The following PPP1R12A variants were observed in gnomAD, a reference collection of about 807,000 sequenced individuals.
PPP1R12A encodes the protein myosin binding subunit.
In PPP1R12A, 19 loss-of-function variants were observed where a neutral mutation model predicts 139.6. The observed-to-expected ratio is 0.14, with a 90% CI of 0.09 to 0.20. The LOEUF is 0.20. Ranked by LOEUF, PPP1R12A falls within the 10% of genes least tolerant of loss-of-function variation. The pLI is 1.00. For synonymous variants in PPP1R12A, 427 were observed against 420.6 expected, an observed-to-expected ratio of 1.02 and a Z score of -0.19; for missense variants, 925 against 1,211.5, an observed-to-expected ratio of 0.76 and a Z score of 3.51.
chr12:79,934,723 T>C lies in PPP1R12A; in HGVS notation c.209A>G (p.Asn70Ser), dbSNP rs1239952594. The C allele has an allele frequency of 5.2e-6, 8 of 1,547,882 alleles. No individual in the cohort carries two copies. Among genetic ancestry groups the C allele is most frequent in the East Asian group, 2.5e-5 (1 of 40,812 alleles). Residue 70 changes from asparagine (N) to serine (S), a missense_variant, in exon 1 of 25, where the codon AAT becomes AGT. Coordinates refer to ENST00000450142, the MANE Select transcript of PPP1R12A (RefSeq NM_002480.3). ...LHRGADINYA[N>S]VDGLTALHQA... The stretch of plus-strand genomic sequence containing the variant: ...GTGCAGGGCAGTGAGTCCGTCCACA[T>C]TGGCGTAATTGATGTCGGCGCCGCG...
intron 1 of PPP1R12A, among the ~76,000 whole-genome samples, chr12:79,904,598 A>AAAGT (rs1885935303): frequency 6.6e-6 from 1 of 152,190 alleles, no homozygotes; most frequent in Non-Finnish European, 1.5e-5. Flanking sequence ...TAAACAGCAT[A>AAAGT]AAGTAGCTCA....
intron 8 of PPP1R12A, among the ~76,000 whole-genome samples, chr12:79,820,273 G>A (rs1018261353): frequency 6.6e-6 from 1 of 152,198 alleles, no homozygotes; most frequent in South Asian, 2.1e-4. Flanking sequence ...GTCTTAAGTC[G>A]AGGTTGTTGG....
chr12:79,896,945 A>G (rs1297628796), intron 1 of PPP1R12A, among the ~76,000 whole-genome samples: 2 of 152,162 alleles, frequency 1.3e-5, no homozygotes. Flanking sequence ...AATTAAAACA[A>G]CCTCGTTGAG....
chr12:79,905,712 T>C (rs1565809369), intron 1 of PPP1R12A, among the ~76,000 whole-genome samples: 1 of 152,230 alleles, frequency 6.6e-6, no homozygotes, highest in Non-Finnish European at 1.5e-5. Flanking sequence ...GTATGTATTT[T>C]TAATTATGAT....
At chr12:79,880,624 T>C (rs1160704429) in intron 1 of PPP1R12A, among the ~76,000 whole-genome samples, 1 of 152,202 alleles carries the variant, frequency 6.6e-6, no homozygotes, top group Non-Finnish European at 1.5e-5. Context: ...AAGATGATGC[T>C]TGAAAAAGCT....
At chr12:79,829,718 T>C (rs1236945337) in intron 4 of PPP1R12A, among the ~76,000 whole-genome samples, 1 of 151,964 alleles carries the variant, frequency 6.6e-6, no homozygotes. Context: ...GCAGAAACAA[T>C]ACTGGAATGT....
intron 1 of PPP1R12A, among the ~76,000 whole-genome samples, chr12:79,929,409 T>C (rs1292539997): frequency 6.6e-6 from 1 of 152,172 alleles, no homozygotes; most frequent in Non-Finnish European, 1.5e-5. Context: ...GGATATAATA[T>C]TTTTCTACCA....
chr12:79,885,788 G>A (rs1884047417), intron 1 of PPP1R12A, among the ~76,000 whole-genome samples: 1 of 152,148 alleles, frequency 6.6e-6, no homozygotes, highest in Admixed American at 6.6e-5. Flanking sequence ...ATAGGTAATA[G>A]GCAAATTAGT....
chr12:79,893,725 C>T (rs186548466), intron 1 of PPP1R12A, among the ~76,000 whole-genome samples: 29 of 152,246 alleles, frequency 1.9e-4, no homozygotes, highest in African/African-American at 5.8e-4. Flanking sequence ...TAACACTTTC[C>T]TTTTTCCTAC....
At chr12:79,848,879 A>C (rs1026655866) in intron 2 of PPP1R12A, 3 of 151,952 alleles carry the variant, frequency 2.0e-5, no homozygotes, top group Non-Finnish European at 2.9e-5. Context: ...AAAAGCAGAA[A>C]CTTTTATGCT....
At chr12:79,883,486 G>A (rs1242185250) in intron 1 of PPP1R12A, among the ~76,000 whole-genome samples, 1 of 152,054 alleles carries the variant, frequency 6.6e-6, no homozygotes, top group Non-Finnish European at 1.5e-5. Flanking sequence ...TTTAATGAAA[G>A]ATATGAAGAG....
At chr12:79,869,887 G>A (rs1393332529) in intron 2 of PPP1R12A, among the ~76,000 whole-genome samples, 3 of 148,600 alleles carry the variant, frequency 2.0e-5, no homozygotes, top group Admixed American at 2.0e-4. Flanking sequence ...TACCCCCTGG[G>A]TTATAACTAT....
At position 79,920,440 on chromosome 12, in the gene PPP1R12A, T is replaced by C. The variant is rs1322924825; in HGVS notation, c.237+14255A>G. ...CCTTTTGAGAAAATGCCAGACTGTT[T>C]TGAAAGTGGCTATACCATCTTACTA... On this transcript the variant is annotated intron_variant, in intron 1 of 24. Transcript: ENST00000450142. Among the ~76,000 whole-genome samples the C allele has an allele frequency of 2.0e-5, 3 of 152,220 alleles. No individual in the cohort carries two copies. The East Asian group carries it at 5.8e-4, about 29-fold the overall frequency.
intron 3 of PPP1R12A, among the ~76,000 whole-genome samples, chr12:79,842,192 C>T (rs768939293): frequency 2.0e-5 from 3 of 152,036 alleles, no homozygotes; most frequent in South Asian, 2.1e-4. Context: ...AGGTGGCATG[C>T]GCCTACAGTC....
intron 1 of PPP1R12A, among the ~76,000 whole-genome samples, chr12:79,885,622 A>C (rs1466022337): frequency 2.0e-5 from 3 of 152,156 alleles, no homozygotes; most frequent in Non-Finnish European, 2.9e-5. Flanking sequence ...CTTTTCTGCA[A>C]ACTCATTCAT....
At chr12:79,891,936 G>C (rs992944202) in intron 1 of PPP1R12A, among the ~76,000 whole-genome samples, 3 of 152,216 alleles carry the variant, frequency 2.0e-5, no homozygotes, top group East Asian at 3.9e-4. Flanking sequence ...AATAGCTCGA[G>C]GAAAATATCA....
Position 79,797,205 on chromosome 12 carries a change from G to T in PPP1R12A, c.2282C>A (p.Thr761Lys). The stretch of plus-strand genomic sequence containing the variant: ...TTGATATACTGTTACCTCATCATAC[G>T]TTCTGGAGTACTTTTGTTTATATTC... ...EDEYKQKYSR[T>K]YDETYQRYRP... The change falls in exon 16 of 25, where the codon ACG (threonine) becomes AAG (lysine). Residue 761 changes from threonine to lysine, a missense_variant. By Grantham distance (78) the Thr-to-Lys change is moderately conservative (BLOSUM62 -1). Around this residue, in one of 4 missense-constraint regions of PPP1R12A, gnomAD observed 315 missense variants for 363.4 expected, o/e 0.87. Coordinates refer to ENST00000450142, the MANE Select transcript of PPP1R12A (RefSeq NM_002480.3). The T allele has an allele frequency of 6.3e-7, 1 of 1,584,530 alleles. No individual in the cohort carries two copies. Among genetic ancestry groups the T allele is most frequent in the Non-Finnish European group, 8.6e-7 (1 of 1,165,636 alleles).
chr12:79,777,296 T>C, intron 24 of PPP1R12A: 2 of 977,548 alleles, frequency 2.0e-6, no homozygotes, highest in Non-Finnish European at 2.4e-6. Flanking sequence ...GATAAGTCTT[T>C]AACTTAAATT....
intron 3 of PPP1R12A, among the ~76,000 whole-genome samples, chr12:79,836,285 C>A (rs1592690090): frequency 6.6e-6 from 1 of 152,096 alleles, no homozygotes; most frequent in Non-Finnish European, 1.5e-5. Context: ...AGTAACCTTT[C>A]TATTAAGTGA....
Sources: allele counts gnomAD v4.1 joint callset (sites outside exome capture counted in the v4.1 genomes callset), GRCh38; gene constraint gnomAD v4.1.1; regional missense constraint gnomAD v4.1.1; transcripts MANE v1.5; gene names NCBI Gene and HGNC (gene_info 2026-07-23, HGNC 2026-07-21).